HGD: variants seen among roughly 807,000 people sequenced by gnomAD.
HGD encodes the protein homogentisate oxidase.
Under a neutral mutation model 60.8 loss-of-function variants are expected in HGD, and 61 were observed. The ratio of observed to expected loss-of-function variants is 1.00; its 90% CI spans 0.82 to 1.24. The LOEUF (loss-of-function observed/expected upper bound fraction) is 1.24. Ranked by LOEUF, HGD falls within the 50% of genes most tolerant of loss-of-function variation. The pLI is 0.00. For missense variants in HGD, 542 were observed against 547.1 expected, an observed-to-expected ratio of 0.99 and a Z score of 0.09; for synonymous variants, 212 against 187.7, an observed-to-expected ratio of 1.13 and a Z score of -1.06.
intron 4 of HGD, 151 bp downstream of exon 4, chr3:120,670,276 G>C (rs556227618): frequency 1.9e-4 from 126 of 674,950 alleles, no homozygotes; most frequent in Admixed American, 4.9e-4. Context: ...CACCACCCAA[G>C]TTTGAGCAGA....
chr3:120,633,130 G>A lies in HGD; in HGVS notation c.1188+17C>T. 1 of 1,612,964 alleles carries A rather than the reference G, an allele frequency of 6.2e-7. No individual in the cohort carries two copies. The highest frequency in any genetic ancestry group is 8.5e-7 in the Non-Finnish European group (1 of 1,179,096). ...GGAGTTCAGAGGCCGCTGGAATGTGGCAGTTAACATACTTACCATGGTGCC... is the reference window on the plus strand; with the variant it reads ...GGAGTTCAGAGGCCGCTGGAATGTGACAGTTAACATACTTACCATGGTGCC... On this transcript the variant is annotated intron_variant, in intron 13 of 13. Transcript: ENST00000283871.
chr3:120,632,463 C>A (rs1175053469), intron 13 of HGD, among the ~76,000 whole-genome samples: 1 of 152,188 alleles, frequency 6.6e-6, no homozygotes, highest in East Asian at 1.9e-4. Flanking sequence ...TACAGCCTGA[C>A]ACAGGAAGAA....
chr3:120,681,715 T>C (rs1006829596), intron 1 of HGD, among the ~76,000 whole-genome samples: 4 of 152,084 alleles, frequency 2.6e-5, no homozygotes, highest in African/African-American at 4.8e-5. Context: ...ATCAAGCATA[T>C]CTAACTGGTC....
intron 13 of HGD, among the ~76,000 whole-genome samples, chr3:120,630,859 C>T (rs903598709): frequency 1.4e-5 from 2 of 148,020 alleles, no homozygotes; most frequent in Admixed American, 6.7e-5. Context: ...CACACACACA[C>T]ACACACACAC....
intron 9 of HGD, among the ~76,000 whole-genome samples, chr3:120,644,893 CT>C (rs3216201): frequency 0.093 from 14,111 of 152,196 alleles, 746 homozygotes; most frequent in East Asian, 0.19. Context: ...CCTCTGCTCC[CT>C]AGACAGAACT....
chr3:120,674,892 T>A lies in HGD; in HGVS notation c.176+9A>T. On this transcript the variant is annotated intron_variant, in intron 3 of 13. Transcript: ENST00000283871. Reference sequence around the variant, plus strand: ...AGTCTGCAGGTCAGAATTCATCTAATCCTTGTACCTTCTCTTATTGGTGCT... The same window carrying A: ...AGTCTGCAGGTCAGAATTCATCTAAACCTTGTACCTTCTCTTATTGGTGCT... 1 of 1,584,608 alleles carries A rather than the reference T, an allele frequency of 6.3e-7. No homozygotes were observed. The highest frequency in any genetic ancestry group is 8.7e-7 in the Non-Finnish European group (1 of 1,153,768).
chr3:120,646,446 A>T, intron 8 of HGD, 80 bp from the exon 9 acceptor site: 1 of 878,924 alleles, frequency 1.1e-6, no homozygotes, highest in South Asian at 1.3e-5. Flanking sequence ...GCCATAGCCC[A>T]TCCCACATGC....
In HGD at chr3:120,628,515, T is replaced by C; in HGVS notation, c.1203A>G (p.Glu401=). Residue 401 remains glutamate, a synonymous_variant, in exon 14 of 14, where the codon GAA becomes GAG. Coordinates refer to ENST00000283871, the MANE Select transcript of HGD (RefSeq NM_000187.4). ...IADGTMAFMF[E]SSLSLAVTKW... The stretch of plus-strand genomic sequence containing the variant: ...TTGTGACCGCCAGACTTAAAGATGA[T>C]TCAAACATAAATGCCTGGAGGAAGT... 1 of 1,613,984 alleles carries C rather than the reference T, an allele frequency of 6.2e-7. No homozygotes were observed. The highest frequency in any genetic ancestry group is 1.3e-5 in the African/African-American group (1 of 74,976).
In HGD at chr3:120,633,225, G is replaced by A; in HGVS notation, c.1110C>T (p.Pro370=). Residue 370 remains proline, a synonymous_variant, in exon 13 of 14, where the codon CCC becomes CCT. Transcript: ENST00000283871. ...CAAAGCAGTCAGCATCAGGTCCATG[G>A]GGGGTCATTGTGCTGTGTAGACTCC... ...GGGSLHSTMT[P]HGPDADCFEK... 2.5e-6 allele frequency: 4 copies of A among 1,614,088 alleles called. No homozygotes were observed. Among genetic ancestry groups the A allele is most frequent in the Non-Finnish European group, 3.4e-6 (4 of 1,180,020 alleles).
chr3:120,634,098 T>G (rs1940680246), intron 12 of HGD, among the ~76,000 whole-genome samples: 1 of 152,134 alleles, frequency 6.6e-6, no homozygotes, highest in South Asian at 2.1e-4. Flanking sequence ...GTAGAAGAAA[T>G]TTCTATATCT....
intron 4 of HGD, among the ~76,000 whole-genome samples, chr3:120,662,069 GTAGA>G (rs1219432278): frequency 2.0e-5 from 3 of 152,190 alleles, no homozygotes; most frequent in Admixed American, 2.0e-4. Flanking sequence ...GAAATCCCAG[GTAGA>G]TAAAATGACG....
At position 120,628,490 on chromosome 3, in the gene HGD, T is replaced by G; in HGVS notation, c.1228A>C (p.Lys410Gln). 6.2e-7 allele frequency: 1 copy of G among 1,614,066 alleles called. No individual in the cohort carries two copies. ...FESSLSLAVT[K>Q]WGLKASRCLD... ...CACCTGGAGGCCTTGAGTCCCCACTTTGTGACCGCCAGACTTAAAGATGAT... is the reference window on the plus strand; with the variant it reads ...CACCTGGAGGCCTTGAGTCCCCACTGTGTGACCGCCAGACTTAAAGATGAT... Residue 410 changes from lysine to glutamine, a missense_variant, in exon 14 of 14, where the codon AAG (lysine) becomes CAG (glutamine). Physicochemically the swap from Lys to Gln is moderately conservative, Grantham distance 53. This residue lies in a region of HGD where 537 missense variants were observed against 529.1 expected (regional missense o/e 1.01). Coordinates refer to ENST00000283871, the MANE Select transcript of HGD (RefSeq NM_000187.4).
rs768481821 is a variant in HGD at position 120,647,900 on chromosome 3, T to C, written c.446A>G (p.Asn149Ser). ...NTSMENRCFY[N>S]SDGDFLIVPQ... Reference sequence around the variant, plus strand: ...ACCAATCAAGAAGTCCCCATCTGAATTGTAAAAGCATCTGAAACATATAGA... The same window carrying C: ...ACCAATCAAGAAGTCCCCATCTGAACTGTAAAAGCATCTGAAACATATAGA... Residue 149 changes from asparagine (N) to serine (S), a missense_variant, in exon 7 of 14, where the codon AAT becomes AGT. Asn to Ser is a conservative substitution (Grantham distance 46). Around this residue, in one of 2 missense-constraint regions of HGD, gnomAD observed 537 missense variants for 529.1 expected, o/e 1.01. Transcript: ENST00000283871. 24 of 1,611,684 alleles carry C rather than the reference T, an allele frequency of 1.5e-5. No homozygotes were observed. The highest frequency in any genetic ancestry group is 6.7e-5 in the East Asian group (3 of 44,886).
At chr3:120,668,418 G>T (rs566887647) in intron 4 of HGD, among the ~76,000 whole-genome samples, 1 of 152,124 alleles carries the variant, frequency 6.6e-6, no homozygotes, top group South Asian at 2.1e-4. Flanking sequence ...CTTATAAAAA[G>T]TCTAAGCACT....
intron 5 of HGD, 72 bp downstream of exon 5, chr3:120,652,520 C>A: frequency 8.9e-7 from 1 of 1,123,792 alleles, no homozygotes; most frequent in Non-Finnish European, 1.4e-6. Flanking sequence ...GGCATTCAGG[C>A]TGCAAATGGT....
At chr3:120,646,911 GA>G in intron 8 of HGD, 61 bp downstream of exon 8, 25 of 1,290,982 alleles carry the variant, frequency 1.9e-5, no homozygotes, top group Non-Finnish European at 2.8e-5. Context: ...AGCAGCAGCT[GA>G]AACATCTGAC....
At chr3:120,661,730 A>G (rs1707772801) in intron 4 of HGD, among the ~76,000 whole-genome samples, 1 of 152,246 alleles carries the variant, frequency 6.6e-6, no homozygotes, top group South Asian at 2.1e-4. Context: ...ATGTAAAAAG[A>G]GCTAGCAAGC....
At chr3:120,678,522 A>T (rs1242663205) in intron 1 of HGD, among the ~76,000 whole-genome samples, 1 of 152,218 alleles carries the variant, frequency 6.6e-6, no homozygotes, top group Non-Finnish European at 1.5e-5. Context: ...GTTCAGGGTT[A>T]TGTGTTTGGA....
chr3:120,664,622 G>A (rs576196019), intron 4 of HGD, among the ~76,000 whole-genome samples: 1 of 151,626 alleles, frequency 6.6e-6, no homozygotes, highest in East Asian at 1.9e-4. Flanking sequence ...GTAGAGCCAG[G>A]GTCTTGCTAT....
Sources: gnomAD v4.1 joint callset for allele counts (sites outside exome capture counted in the v4.1 genomes callset) on GRCh38, gnomAD v4.1.1 for gene constraint, gnomAD v4.1.1 regional missense constraint, MANE v1.5 for transcripts, NCBI Gene and HGNC (gene_info 2026-07-23, HGNC 2026-07-21) for gene names.